LOC400499: variants seen among roughly 807,000 people sequenced by gnomAD.
At chr16:11,447,988 T>A in the LOC400499 span, 3 of 1,536,046 alleles carry the variant, frequency 2.0e-6, no homozygotes, top group Non-Finnish European at 2.6e-6. Flanking sequence ...CCTCAGCTCC[T>A]CCAGCTCTCC....
the LOC400499 span, among the ~76,000 whole-genome samples, chr16:11,452,990 G>C: frequency 6.6e-6 from 1 of 152,152 alleles, no homozygotes; most frequent in African/African-American, 2.4e-5. Flanking sequence ...AGTCATTTTA[G>C]TCAGATGTCT....
the LOC400499 span, among the ~76,000 whole-genome samples, chr16:11,373,821 T>C: frequency 6.6e-6 from 1 of 151,556 alleles, no homozygotes; most frequent in Non-Finnish European, 1.5e-5. Flanking sequence ...GGCTTCACCA[T>C]GTTGGTCATG....
At chr16:11,485,420 G>A in the LOC400499 span, among the ~76,000 whole-genome samples, 3,700 of 152,150 alleles carry the variant, frequency 0.024, 99 homozygotes, top group East Asian at 0.14. Context: ...TGTCTTCCTC[G>A]AAAGATCCAG....
the LOC400499 span, chr16:11,515,966 C>T: frequency 1.8e-5 from 7 of 379,460 alleles, no homozygotes; most frequent in Non-Finnish European, 2.3e-5. Flanking sequence ...GAGTGATGAG[C>T]GTCCCCTGCG....
chr16:11,448,015 C>G, the LOC400499 span: 1 of 1,535,920 alleles, frequency 6.5e-7, no homozygotes, highest in Non-Finnish European at 8.7e-7. Flanking sequence ...CTGCAGGCCC[C>G]GAGGCTGGCC....
chr16:11,522,403 A>T, the LOC400499 span, among the ~76,000 whole-genome samples: 1 of 152,236 alleles, frequency 6.6e-6, no homozygotes, highest in South Asian at 2.1e-4. Context: ...AGTTGGGGCC[A>T]GGGAATTCTG....
the LOC400499 span, chr16:11,384,356 G>C: frequency 5.1e-6 from 6 of 1,171,768 alleles, no homozygotes; most frequent in East Asian, 3.2e-5. Context: ...GAGGCCGGCC[G>C]TAAGACCCTG....
chr16:11,431,900 G>A, the LOC400499 span, among the ~76,000 whole-genome samples: 1 of 152,156 alleles, frequency 6.6e-6, no homozygotes, highest in Non-Finnish European at 1.5e-5. Flanking sequence ...GTAGAATGTG[G>A]CAGAAGTGAC....
chr16:11,508,696 G>A, the LOC400499 span: 2 of 398,964 alleles, frequency 5.0e-6, no homozygotes, highest in African/African-American at 2.1e-5. Flanking sequence ...CTCTGGCCTG[G>A]GGCTGGAGAA....
At chr16:11,434,380 C>T in the LOC400499 span, among the ~76,000 whole-genome samples, 2 of 152,178 alleles carry the variant, frequency 1.3e-5, no homozygotes, top group African/African-American at 4.8e-5. Context: ...AAAAATTATC[C>T]AGGTGCGGTG....
chr16:11,478,055 G>A, the LOC400499 span: 1 of 395,966 alleles, frequency 2.5e-6, no homozygotes, highest in Non-Finnish European at 4.5e-6. Flanking sequence ...GCTCACGCCT[G>A]TAATCCCAGC....
the LOC400499 span, among the ~76,000 whole-genome samples, chr16:11,443,958 C>T: frequency 0.012 from 1,852 of 152,058 alleles, 39 homozygotes; most frequent in African/African-American, 0.042. Flanking sequence ...CCTAAGCCTC[C>T]GGGGTAGCTG....
At chr16:11,475,400 A>C in the LOC400499 span, among the ~76,000 whole-genome samples, 1 of 152,260 alleles carries the variant, frequency 6.6e-6, no homozygotes, top group African/African-American at 2.4e-5. Flanking sequence ...GGCATAGACC[A>C]CAGATTGTTC....
At chr16:11,450,782 C>T in the LOC400499 span, 2 of 1,536,022 alleles carry the variant, frequency 1.3e-6, no homozygotes, top group South Asian at 2.4e-5. Context: ...CTGTGAGCTG[C>T]AGAGACCATC....
the LOC400499 span, among the ~76,000 whole-genome samples, chr16:11,410,445 CT>C: frequency 9.0e-3 from 1,364 of 152,250 alleles, 12 homozygotes; most frequent in Middle Eastern, 0.088. Context: ...CAAAGAGAGA[CT>C]GTGTCTCAAA....
the LOC400499 span, among the ~76,000 whole-genome samples, chr16:11,435,271 C>G: frequency 1.3e-5 from 2 of 152,076 alleles, no homozygotes; most frequent in Non-Finnish European, 2.9e-5. Context: ...CCCCACCACA[C>G]CTGGCTAATT....
chr16:11,435,098 G>A, the LOC400499 span, among the ~76,000 whole-genome samples: 1 of 152,160 alleles, frequency 6.6e-6, no homozygotes, highest in Non-Finnish European at 1.5e-5. Context: ...TCTCGCCTCA[G>A]CCTCCCAAGT....
chr16:11,377,073 C>T, the LOC400499 span, among the ~76,000 whole-genome samples: 5 of 152,162 alleles, frequency 3.3e-5, no homozygotes, highest in African/African-American at 9.6e-5. Flanking sequence ...CCTGCCTCAG[C>T]CTCCCAAGTA....
the LOC400499 span, among the ~76,000 whole-genome samples, chr16:11,456,208 C>T: frequency 6.6e-6 from 1 of 152,048 alleles, no homozygotes; most frequent in African/African-American, 2.4e-5. Context: ...CCACACATGG[C>T]TAATTTTTGT....
Sources: allele counts gnomAD v4.1 joint callset (sites outside exome capture counted in the v4.1 genomes callset), GRCh38; gene constraint gnomAD v4.1.1; transcripts MANE v1.5.